Variants in CTSK observed in about 807,000 individuals in gnomAD.
CTSK encodes the protein cathepsin K, also known as cathepsin O.
CTSK carries 26 observed loss-of-function variants against 40.5 expected under a neutral mutation model. The ratio of observed to expected loss-of-function variants is 0.64; its 90% CI spans 0.47 to 0.89. CTSK has a LOEUF of 0.89. CTSK is among the 40% of genes least tolerant of loss of function. The pLI, the probability that CTSK is intolerant of heterozygous loss-of-function variation, is 0.00. For missense variants in CTSK, 292 were observed against 400.1 expected (o/e 0.73, Z 2.30); for synonymous variants, 132 against 143.2 (o/e 0.92, Z 0.56).
At chr1:150,797,154 G>A (rs1205441492) in intron 7 of CTSK, among the ~76,000 whole-genome samples, 2 of 152,184 alleles carry the variant, frequency 1.3e-5, no homozygotes, top group African/African-American at 4.8e-5. Context: ...AAAAGGCTAA[G>A]TAGAATTTCG....
In CTSK at chr1:150,804,700, T is replaced by C. The variant is rs587731347; in HGVS notation, c.400-461A>G. 7.9e-5 allele frequency among the ~76,000 whole-genome samples: 12 copies of C among 152,350 alleles called. No individual in the cohort carries two copies. In the South Asian group the frequency reaches 2.5e-3, roughly 32 times the overall value. Reference sequence around the variant, plus strand: ...AGATTGTAGATTTTTCTTTCTTTCCTGTTCTATTTTTTTAGATTGAGATTT... The same window carrying C: ...AGATTGTAGATTTTTCTTTCTTTCCCGTTCTATTTTTTTAGATTGAGATTT... On this transcript the variant is annotated intron_variant, in intron 4 of 7. Coordinates refer to ENST00000271651, the MANE Select transcript of CTSK (RefSeq NM_000396.4).
chr1:150,799,435 C>T, intron 6 of CTSK, 109 bp downstream of exon 6: 1 of 1,385,972 alleles, frequency 7.2e-7, no homozygotes, highest in Non-Finnish European at 1.0e-6. Flanking sequence ...TCTCTGGCCA[C>T]CTCCATGTGA....
At chr1:150,806,836 T>G (rs1222824120) in intron 1 of CTSK, 30 bp from the exon 2 acceptor site, 2 of 1,611,872 alleles carry the variant, frequency 1.2e-6, no homozygotes, top group African/African-American at 1.3e-5. Flanking sequence ...GGGAAAACTC[T>G]TCCATTTGGC....
Position 150,796,307 on chromosome 1 carries a change from C to T in CTSK, c.*492G>A, listed in dbSNP as rs1396723859. The T allele has an allele frequency of 5.7e-6, 1 of 176,282 alleles. No homozygotes were observed. Among genetic ancestry groups the T allele is most frequent in the Admixed American group, 5.4e-5 (1 of 18,368 alleles). 10.9% of individuals were successfully genotyped at this position (176,282 alleles called of 1,614,324 possible). A position where few individuals can be genotyped will look rare whatever the true frequency, so the allele number is the denominator to read the frequency against. On this transcript the variant is annotated 3_prime_UTR_variant, in exon 8 of 8. Coordinates refer to ENST00000271651, the MANE Select transcript of CTSK (RefSeq NM_000396.4). ...GAAGACAAATCACATTTCTTTTTAT[C>T]ATGTAAACTTGTACCAAAGACTTAT...
intron 1 of CTSK, among the ~76,000 whole-genome samples, chr1:150,807,836 G>A (rs1423312060): frequency 6.6e-6 from 1 of 152,130 alleles, no homozygotes; most frequent in Non-Finnish European, 1.5e-5. Context: ...GCTTTGAGAT[G>A]TCTCAGTGAA....
chr1:150,804,668 T>C (rs1654052915), intron 4 of CTSK, among the ~76,000 whole-genome samples: 1 of 152,234 alleles, frequency 6.6e-6, no homozygotes, highest in South Asian at 2.1e-4. Flanking sequence ...TTATTGTTTG[T>C]GCAGCTAGAT....
At chr1:150,805,183 C>T (rs1316065098) in intron 4 of CTSK, among the ~76,000 whole-genome samples, 17 of 134,044 alleles carry the variant, frequency 1.3e-4, no homozygotes, top group Non-Finnish European at 2.4e-4. Context: ...CACTGGACTC[C>T]AGCCTGGGTG....
At chr1:150,807,074 TCTCTCTCACACA>T (rs1277459320) in intron 1 of CTSK, among the ~76,000 whole-genome samples, 163 of 51,534 alleles carry the variant, frequency 3.2e-3, no homozygotes, top group South Asian at 0.01. Flanking sequence ...TCTGTCTCTC[TCTCTCTCACACA>T]CACACACACA....
At chr1:150,803,455 A>T (rs1179842202) in intron 5 of CTSK, among the ~76,000 whole-genome samples, 2 of 152,162 alleles carry the variant, frequency 1.3e-5, no homozygotes, top group Non-Finnish European at 2.9e-5. Flanking sequence ...TATATTGTCT[A>T]TCAGACCCAG....
rs145797524 is a variant in CTSK at position 150,807,078 on chromosome 1, TCTCACA to T, written c.-1-278_-1-273del. ...CTGTTTCTCTCTCTGTCTCTCTCTCTCTCACACACACACACACACACACACACACAC... is the reference window on the plus strand; with the variant it reads ...CTGTTTCTCTCTCTGTCTCTCTCTCTCACACACACACACACACACACACAC... On this transcript the variant is annotated intron_variant, in intron 1 of 7. Coordinates refer to ENST00000271651, the MANE Select transcript of CTSK (RefSeq NM_000396.4). Among the ~76,000 whole-genome samples, 13,052 of 120,406 alleles carry T rather than the reference TCTCACA, an allele frequency of 0.11. 682 individuals carry two copies. The highest frequency in any genetic ancestry group is 0.14 in the Non-Finnish European group (7,986 of 57,592). The allele number at this position is 120,406 out of a possible 152,430, so 79.0% of individuals were successfully genotyped here. A position where few individuals can be genotyped will look rare whatever the true frequency, so the allele number is the denominator to read the frequency against.
intron 5 of CTSK, 56 bp from the exon 6 acceptor site, chr1:150,799,765 T>C: frequency 1.3e-6 from 2 of 1,536,376 alleles, no homozygotes; most frequent in Non-Finnish European, 1.8e-6. Context: ...AATGAGTCAG[T>C]GAGTAAGAAA....
Position 150,806,676 on chromosome 1 carries a change from C to T in CTSK, c.120+10G>A, listed in dbSNP as rs756640761. On this transcript the variant is annotated intron_variant, in intron 2 of 7. Transcript: ENST00000271651. ...CCTTCCTGCCATGCCCCCTCCAGGA[C>T]CCCAGGCACCTTGTTGTTATATTGC... 1.9e-6 allele frequency: 3 copies of T among 1,613,682 alleles called. No homozygotes were observed. The highest frequency in any genetic ancestry group is 4.5e-5 in the East Asian group (2 of 44,896).
At chr1:150,805,805 A>G in intron 4 of CTSK, 56 bp downstream of exon 4, 1 of 1,594,312 alleles carries the variant, frequency 6.3e-7, no homozygotes, top group Admixed American at 1.7e-5. Flanking sequence ...AAAGCAGCAG[A>G]AAAAGGAAAA....
chr1:150,806,796 G>GC lies in CTSK; in HGVS notation c.9dup (p.Leu4AlafsTer16). On this transcript the variant is annotated frameshift_variant, in exon 2 of 8. Transcript: ENST00000271651. LOFTEE classifies it high-confidence loss of function. ...ACCACAGGTAGCAGCAGAACCTTGAGCCCCCACATCCTGCAGAAGAATGTA... is the reference window on the plus strand; with the variant it reads ...ACCACAGGTAGCAGCAGAACCTTGAGCCCCCCACATCCTGCAGAAGAATGTA... The GC allele has an allele frequency of 6.2e-7, 1 of 1,613,874 alleles. No individual in the cohort carries two copies. Among genetic ancestry groups the GC allele is most frequent in the South Asian group, 1.1e-5 (1 of 91,072 alleles).
At chr1:150,803,878 T>C in intron 5 of CTSK, 143 bp downstream of exon 5, 1 of 783,194 alleles carries the variant, frequency 1.3e-6, no homozygotes, top group Non-Finnish European at 2.2e-6. Context: ...GAAATCTTCT[T>C]GGCCTTCTGT....
rs779217918 is a variant in CTSK, at chr1:150,799,241, T to G, written c.817A>C (p.Asn273His). 2 of 1,613,118 alleles carry G rather than the reference T, an allele frequency of 1.2e-6. No homozygotes were observed. Among genetic ancestry groups the G allele is most frequent in the Non-Finnish European group, 1.7e-6 (2 of 1,179,166 alleles). Residue 273 changes from asparagine to histidine, a missense_variant, in exon 7 of 8, where the codon AAT (asparagine) becomes CAT (histidine). Asn to His is a moderately conservative substitution (Grantham distance 68). Transcript: ENST00000271651. ...ACTGCCAAAACTGCATGGTTCAGAT[T>G]ATCGCTATTGCAGCTTTCATCATAA... ...VYYDESCNSD[N>H]LNHAVLAVGY... is the part of the protein sequence containing the mutation.
intron 7 of CTSK, among the ~76,000 whole-genome samples, chr1:150,798,154 T>C (rs1280701319): frequency 6.6e-6 from 1 of 152,196 alleles, no homozygotes; most frequent in Non-Finnish European, 1.5e-5. Context: ...GGAAGCAAGG[T>C]ACCCTGGAGT....
At chr1:150,799,430 G>A (rs1653939762) in intron 6 of CTSK, 114 bp downstream of exon 6, 1 of 1,350,706 alleles carries the variant, frequency 7.4e-7, no homozygotes, top group Non-Finnish European at 1.1e-6. Flanking sequence ...ATTTCTCTCT[G>A]GCCACCTCCA....
chr1:150,804,956 A>T (rs1654056219), intron 4 of CTSK, among the ~76,000 whole-genome samples: 1 of 152,148 alleles, frequency 6.6e-6, no homozygotes, highest in African/African-American at 2.4e-5. Context: ...TCATGTCTGT[A>T]ATCCTAGCAC....
Sources: allele counts gnomAD v4.1 joint callset (sites outside exome capture counted in the v4.1 genomes callset), GRCh38; gene constraint gnomAD v4.1.1; transcripts MANE v1.5; gene names NCBI Gene and HGNC (gene_info 2026-07-23, HGNC 2026-07-21).